HDAC4: variants seen among roughly 807,000 people sequenced by gnomAD.
The protein encoded by HDAC4 is histone deacetylase 4.
In HDAC4, 16 loss-of-function variants were observed where a neutral mutation model predicts 135.1. The ratio of observed to expected loss-of-function variants is 0.12; its 90% CI spans 0.08 to 0.18. The LOEUF (loss-of-function observed/expected upper bound fraction) is 0.18. HDAC4 is among the 10% of genes least tolerant of loss of function. The pLI is 1.00. For missense variants in HDAC4, 1,143 were observed against 1,511.8 expected, an observed-to-expected ratio of 0.76 and a Z score of 4.05; for synonymous variants, 685 against 653.4, an observed-to-expected ratio of 1.05 and a Z score of -0.74.
intron 9 of HDAC4, among the ~76,000 whole-genome samples, chr2:239,136,785 G>T (rs1462555635): frequency 6.6e-6 from 1 of 152,164 alleles, no homozygotes; most frequent in Non-Finnish European, 1.5e-5. Flanking sequence ...AGGAAGAAAC[G>T]CTTCTCCTGA....
At chr2:239,102,163 C>G (rs1429961767) in intron 16 of HDAC4, among the ~76,000 whole-genome samples, 2 of 152,102 alleles carry the variant, frequency 1.3e-5, no homozygotes, top group Non-Finnish European at 2.9e-5. Context: ...TGGAAGCCCC[C>G]GGCCCCACGT....
chr2:239,114,977 C>G, intron 13 of HDAC4, 76 bp downstream of exon 13: 3 of 1,570,426 alleles, frequency 1.9e-6, no homozygotes, highest in Non-Finnish European at 2.6e-6. Flanking sequence ...CCCGTGATCA[C>G]CACAGAAGAT....
At chr2:239,111,049 C>G (rs888036646) in intron 14 of HDAC4, among the ~76,000 whole-genome samples, 2 of 152,382 alleles carry the variant, frequency 1.3e-5, no homozygotes, top group East Asian at 3.9e-4. Context: ...GTGGCTCCCA[C>G]AGCGTGTCCC....
rs185104540 is a variant in HDAC4 at position 239,049,049 on chromosome 2, G to A, written c.*4048C>T. On this transcript the variant is annotated 3_prime_UTR_variant, in exon 27 of 27. Transcript: ENST00000543185. Reference sequence around the variant, plus strand: ...AAACAAAATTCCTCCAAATCAACTCGAGAGAGACAGGCAGTTCACTGTGAA... The same window carrying A: ...AAACAAAATTCCTCCAAATCAACTCAAGAGAGACAGGCAGTTCACTGTGAA... 5 of 152,344 alleles carry A rather than the reference G, an allele frequency of 3.3e-5. No homozygotes were observed. Among genetic ancestry groups the A allele is most frequent in the South Asian group, 2.1e-4 (1 of 4,828 alleles). 9.4% of individuals were successfully genotyped at this position (152,344 alleles called of 1,614,324 possible).
intron 11 of HDAC4, among the ~76,000 whole-genome samples, chr2:239,132,931 C>A (rs1057499909): frequency 6.6e-6 from 1 of 152,136 alleles, no homozygotes; most frequent in Non-Finnish European, 1.5e-5. Flanking sequence ...GAGACTCAGA[C>A]GCAACCTCAG....
chr2:239,141,872 A>G lies in HDAC4; in HGVS notation c.866-2076T>C, dbSNP rs866172695. Among the ~76,000 whole-genome samples, 9 of 152,238 alleles carry G rather than the reference A, an allele frequency of 5.9e-5. No homozygotes were observed. Among genetic ancestry groups the G allele is most frequent in the Non-Finnish European group, 7.3e-5 (5 of 68,038 alleles). ...TATTTTTTTGCATTCTACTTCCAGG[A>G]ATAGGTCTAAGAAAATTCATATAAA... On this transcript the variant is annotated intron_variant, in intron 8 of 26. Transcript: ENST00000543185. The surrounding 1 kb of genome is among the most constrained non-coding windows in gnomAD (Gnocchi z 4.9).
In HDAC4 at chr2:239,373,302, T is replaced by C. The variant is rs555794692; in HGVS notation, c.-219-20384A>G. Among the ~76,000 whole-genome samples, 4 of 152,238 alleles carry C rather than the reference T, an allele frequency of 2.6e-5. No individual in the cohort carries two copies. The South Asian group carries it at 8.3e-4, about 32-fold the overall frequency. ...CTGCCAAGCTAGGTAAAAAGCACGA[T>C]CTCTGCTGACTTTTCTGGGCATCTC... is the stretch of plus-strand genomic sequence containing the variant. On this transcript the variant is annotated intron_variant, in intron 1 of 26. Coordinates refer to ENST00000543185, the MANE Select transcript of HDAC4 (RefSeq NM_001378414.1).
At chr2:239,102,505 AT>A (rs1489738847) in intron 16 of HDAC4, 2 of 459,848 alleles carry the variant, frequency 4.3e-6, no homozygotes, top group East Asian at 8.8e-5. Flanking sequence ...TGTGTTCCTA[AT>A]CAGCCTCTCA....
chr2:239,385,771 C>G (rs1313613191), intron 1 of HDAC4, among the ~76,000 whole-genome samples: 1 of 152,200 alleles, frequency 6.6e-6, no homozygotes, highest in Non-Finnish European at 1.5e-5. Flanking sequence ...GGACAGGAGG[C>G]CAGGCAAGCC....
At chr2:239,286,736 G>C (rs2051156848) in intron 2 of HDAC4, among the ~76,000 whole-genome samples, 1 of 139,558 alleles carries the variant, frequency 7.2e-6, no homozygotes, top group Non-Finnish European at 1.6e-5. Context: ...GTGAGACACA[G>C]ACAGACAAGG....
intron 9 of HDAC4, among the ~76,000 whole-genome samples, chr2:239,134,860 G>C (rs897200780): frequency 6.6e-6 from 1 of 152,170 alleles, no homozygotes; most frequent in Non-Finnish European, 1.5e-5. Flanking sequence ...CTCCCGATAC[G>C]AGTTCTTCTT....
At chr2:239,344,734 A>G (rs1251924734) in intron 2 of HDAC4, among the ~76,000 whole-genome samples, 2 of 152,212 alleles carry the variant, frequency 1.3e-5, no homozygotes, top group African/African-American at 2.4e-5. Flanking sequence ...AACGTACACA[A>G]GTATTTTTGA....
rs374511393 is a variant in HDAC4, at chr2:239,179,040, T to C, written c.340-2477A>G. ...GTGTGCGAGGCAGCCACCGGACGCC[T>C]GAGGCATAGAGTGGGGTGTGCGTGC... On this transcript the variant is annotated intron_variant, in intron 4 of 26. Coordinates refer to ENST00000543185, the MANE Select transcript of HDAC4 (RefSeq NM_001378414.1). 2.2e-3 allele frequency among the ~76,000 whole-genome samples: 300 copies of C among 137,190 alleles called. 3 individuals are homozygous for C. The highest frequency in any genetic ancestry group is 0.011 in the South Asian group (46 of 4,156). The allele number at this position is 137,190 out of a possible 152,430, so 90.0% of individuals were successfully genotyped here.
intron 17 of HDAC4, among the ~76,000 whole-genome samples, chr2:239,090,697 A>G (rs1473747162): frequency 6.6e-6 from 1 of 152,156 alleles, no homozygotes; most frequent in Admixed American, 6.5e-5. Flanking sequence ...TGACGCTCAA[A>G]GGAAATGCAC....
rs375134148 is a variant in HDAC4, at chr2:239,124,177, C to T, written c.1533+2279G>A. ...TATAATTCACATACCATCCAATTCA[C>T]GCTTTTAAATGATATCATTTGTTGT... On this transcript the variant is annotated intron_variant, in intron 12 of 26. Coordinates refer to ENST00000543185, the MANE Select transcript of HDAC4 (RefSeq NM_001378414.1). 9.2e-5 allele frequency among the ~76,000 whole-genome samples: 14 copies of T among 152,320 alleles called. No individual in the cohort carries two copies. The South Asian group carries it at 2.5e-3, about 27-fold the overall frequency.
At chr2:239,310,779 G>A (rs1417037187) in intron 2 of HDAC4, among the ~76,000 whole-genome samples, 3 of 152,166 alleles carry the variant, frequency 2.0e-5, no homozygotes, top group Admixed American at 6.5e-5. Context: ...GAGTGCAGAG[G>A]GGCCTCACTC....
At chr2:239,254,254 G>T (rs2048937393) in intron 2 of HDAC4, among the ~76,000 whole-genome samples, 1 of 152,110 alleles carries the variant, frequency 6.6e-6, no homozygotes. Flanking sequence ...GGAAGGGAGG[G>T]AGGAAAGTCC....
At chr2:239,056,529 G>C (rs1022343013) in intron 24 of HDAC4, among the ~76,000 whole-genome samples, 2 of 152,218 alleles carry the variant, frequency 1.3e-5, no homozygotes, top group African/African-American at 4.8e-5. Context: ...ATTGAAGCAT[G>C]ACCCAAAGTG....
intron 2 of HDAC4, among the ~76,000 whole-genome samples, chr2:239,346,669 C>G (rs554426569): frequency 6.6e-6 from 1 of 150,466 alleles, no homozygotes; most frequent in South Asian, 2.1e-4. Context: ...TTAATACAGT[C>G]TAAAACACAC....
Sources: allele counts gnomAD v4.1 joint callset (sites outside exome capture counted in the v4.1 genomes callset), GRCh38; gene constraint gnomAD v4.1.1; non-coding constraint Gnocchi (gnomAD v3.1); transcripts MANE v1.5; gene names NCBI Gene and HGNC (gene_info 2026-07-23, HGNC 2026-07-21).